Variants in TESK2 observed in about 807,000 individuals in gnomAD.
The protein encoded by TESK2 is testis associated actin remodelling kinase 2, also known as dual specificity testis-specific protein kinase 2.
A neutral mutation model predicts 57.1 loss-of-function variants in TESK2; 39 were observed. The ratio of observed to expected loss-of-function variants is 0.68; its 90% CI spans 0.53 to 0.89. TESK2 has a LOEUF of 0.89. TESK2 is among the 40% of genes least tolerant of loss of function. The pLI is 0.00. For missense variants in TESK2, 646 were observed against 732.1 expected (o/e 0.88, Z 1.36); for synonymous variants, 249 against 267.9 (o/e 0.93, Z 0.69).
At position 45,461,917 on chromosome 1, in the gene TESK2, T is replaced by G. The variant is rs770571336; in HGVS notation, c.-86-4046A>C. ...TCCATCACCTCAAGCATTCATCATT[T>G]CTTTGTGTTACAAACATTCCAATCG... On this transcript the variant is annotated intron_variant, in intron 1 of 10. Transcript: ENST00000372086. Among the ~76,000 whole-genome samples, 6 of 152,224 alleles carry G rather than the reference T, an allele frequency of 3.9e-5. 1 individual carries two copies. The highest frequency in any genetic ancestry group is 1.2e-4 in the African/African-American group (5 of 41,456).
At chr1:45,403,420 G>A (rs1344960387) in intron 3 of TESK2, among the ~76,000 whole-genome samples, 1 of 152,098 alleles carries the variant, frequency 6.6e-6, no homozygotes, top group Non-Finnish European at 1.5e-5. Context: ...GGTTGTGCTA[G>A]GTCTTAGATA....
intron 2 of TESK2, among the ~76,000 whole-genome samples, chr1:45,445,186 C>T (rs1008223580): frequency 1.3e-5 from 2 of 152,076 alleles, no homozygotes; most frequent in African/African-American, 2.4e-5. Flanking sequence ...AAGGCAGTTT[C>T]AACCCACTAT....
At chr1:45,433,261 TAG>T (rs1027141512) in intron 2 of TESK2, among the ~76,000 whole-genome samples, 14 of 151,578 alleles carry the variant, frequency 9.2e-5, no homozygotes, top group African/African-American at 3.4e-4. Flanking sequence ...GTAATTTCAG[TAG>T]AGACAGGGTT....
intron 4 of TESK2, among the ~76,000 whole-genome samples, chr1:45,378,504 C>G (rs890497927): frequency 6.6e-6 from 1 of 152,050 alleles, no homozygotes; most frequent in Non-Finnish European, 1.5e-5. Context: ...AATGAGACAC[C>G]ATGTGGAAAA....
chr1:45,426,662 T>C (rs1050349016), intron 2 of TESK2, among the ~76,000 whole-genome samples: 5 of 151,988 alleles, frequency 3.3e-5, no homozygotes, highest in Non-Finnish European at 7.4e-5. Context: ...AGTCAATCCA[T>C]GGAATGGGAG....
chr1:45,423,329 G>A (rs1300010100), intron 2 of TESK2, among the ~76,000 whole-genome samples: 1 of 152,068 alleles, frequency 6.6e-6, no homozygotes, highest in Admixed American at 6.6e-5. Flanking sequence ...AGACCAAGGG[G>A]GACAGATCAC....
intron 5 of TESK2, among the ~76,000 whole-genome samples, chr1:45,353,825 G>A (rs1029511798): frequency 2.0e-5 from 3 of 152,196 alleles, no homozygotes; most frequent in Non-Finnish European, 4.4e-5. Flanking sequence ...TGTCTGTTTT[G>A]TGGCATGGCC....
At chr1:45,475,352 A>G (rs933127427) in intron 1 of TESK2, among the ~76,000 whole-genome samples, 2 of 151,686 alleles carry the variant, frequency 1.3e-5, no homozygotes, top group Admixed American at 1.3e-4. Context: ...GACTACAGGC[A>G]TGTGCCACCA....
chr1:45,456,481 T>G (rs1267946690), intron 2 of TESK2, among the ~76,000 whole-genome samples: 1 of 151,698 alleles, frequency 6.6e-6, no homozygotes, highest in Non-Finnish European at 1.5e-5. Flanking sequence ...ATTATGCCAC[T>G]GCACCCCAGC....
intron 4 of TESK2, among the ~76,000 whole-genome samples, chr1:45,358,221 G>A (rs1278596641): frequency 1.3e-5 from 2 of 151,598 alleles, no homozygotes; most frequent in East Asian, 1.9e-4. Context: ...GTTGAGGCAG[G>A]AGAATGGCAT....
At chr1:45,348,155 G>T (rs372966479) in intron 5 of TESK2, among the ~76,000 whole-genome samples, 155 bp from the exon 6 acceptor site, 6 of 152,152 alleles carry the variant, frequency 3.9e-5, no homozygotes, top group African/African-American at 1.4e-4. Context: ...CAGGTCAGGG[G>T]CTCTAAGACA....
intron 5 of TESK2, among the ~76,000 whole-genome samples, chr1:45,355,046 T>C (rs1420633923): frequency 6.6e-6 from 1 of 151,244 alleles, no homozygotes; most frequent in Non-Finnish European, 1.5e-5. Context: ...TGTGGTAATA[T>C]ACACTTCTAG....
At chr1:45,415,143 A>G in intron 3 of TESK2, 2 of 1,511,468 alleles carry the variant, frequency 1.3e-6, no homozygotes, top group South Asian at 2.2e-5. Flanking sequence ...TGCTCTGACC[A>G]CTGGAGAGAA....
intron 3 of TESK2, chr1:45,414,918 G>C (rs559181791): frequency 2.2e-6 from 1 of 448,736 alleles, no homozygotes; most frequent in African/African-American, 2.0e-5. Flanking sequence ...TCTATTAAAA[G>C]CAACAGTAGG....
At chr1:45,407,756 G>C (rs1467218541) in intron 3 of TESK2, among the ~76,000 whole-genome samples, 5 of 152,132 alleles carry the variant, frequency 3.3e-5, no homozygotes, top group African/African-American at 1.2e-4. Context: ...CAGCCACGTG[G>C]AACTACGAGT....
chr1:45,469,823 T>C (rs2149303935), intron 1 of TESK2, among the ~76,000 whole-genome samples: 1 of 152,332 alleles, frequency 6.6e-6, no homozygotes, highest in Middle Eastern at 3.4e-3. Flanking sequence ...TTTTCCATTC[T>C]AATGCACAGT....
intron 2 of TESK2, among the ~76,000 whole-genome samples, chr1:45,455,562 A>T (rs753749659): frequency 2.0e-5 from 3 of 152,168 alleles, no homozygotes; most frequent in Admixed American, 1.3e-4. Context: ...TGCTGTGTGC[A>T]TTGGGCAATG....
intron 3 of TESK2, 101 bp from the exon 4 acceptor site, chr1:45,386,061 G>T: frequency 1.2e-6 from 1 of 810,642 alleles, no homozygotes; most frequent in East Asian, 2.9e-5. Context: ...AACAACCTGT[G>T]GGGTGCGGCA....
chr1:45,403,085 A>G (rs139962010), intron 3 of TESK2, among the ~76,000 whole-genome samples: 113 of 151,998 alleles, frequency 7.4e-4, no homozygotes, highest in African/African-American at 2.3e-3. Context: ...GGAGTTCAAG[A>G]TCAGCCTGGG....
Sources: allele counts gnomAD v4.1 joint callset (sites outside exome capture counted in the v4.1 genomes callset), GRCh38; gene constraint gnomAD v4.1.1; transcripts MANE v1.5; gene names NCBI Gene and HGNC (gene_info 2026-07-23, HGNC 2026-07-21).